Variants in DYTN observed in about 807,000 individuals in gnomAD.
DYTN encodes dystrotelin.
A neutral mutation model predicts 69.6 loss-of-function variants in DYTN; 75 were observed. The ratio of observed to expected loss-of-function variants is 1.08; its 90% CI spans 0.89 to 1.31. The LOEUF is 1.31. DYTN is among the 50% of genes most tolerant of loss of function. The pLI is 0.00. For synonymous variants in DYTN, 252 were observed against 249.1 expected, an observed-to-expected ratio of 1.01 and a Z score of -0.11; for missense variants, 726 against 688.4, an observed-to-expected ratio of 1.05 and a Z score of -0.61.
chr2:206,663,206 T>A lies in DYTN; in HGVS notation c.1330A>T (p.Thr444Ser), dbSNP rs774680110. The change falls in exon 11 of 12, where the codon ACA (threonine) becomes TCA (serine). Residue 444 changes from threonine (T) to serine (S), a missense_variant. Coordinates refer to ENST00000452335, the MANE Select transcript of DYTN (RefSeq NM_001093730.1). ...DEVDRSHRSH[T>S]NAEHALRNPE... ...TTTCGCAGAGCATGCTCTGCATTTG[T>A]GTGACTTCTGTGACTTCTGTCAACC... 1.9e-6 allele frequency: 3 copies of A among 1,613,968 alleles called. No homozygotes were observed. Among genetic ancestry groups the A allele is most frequent in the Non-Finnish European group, 2.5e-6 (3 of 1,179,892 alleles).
rs746737207 is a variant in DYTN at position 206,699,763 on chromosome 2, C to T, written c.683G>A (p.Cys228Tyr). The change falls in exon 7 of 12, where the codon TGC (cysteine) becomes TAC (tyrosine). Residue 228 changes from cysteine to tyrosine, a missense_variant. Transcript: ENST00000452335. Reference protein sequence around the residue: ...AAERVTHPARCTLCRTFPITG... With the variant: ...AAERVTHPARYTLCRTFPITG... The stretch of plus-strand genomic sequence containing the variant: ...GATTGGGAAAGTCCTGCAGAGAGTG[C>T]ACCGAGCAGGGTGAGTGACCCTTTC... 1 of 1,613,712 alleles carries T rather than the reference C, an allele frequency of 6.2e-7. No individual in the cohort carries two copies. The highest frequency in any genetic ancestry group is 8.5e-7 in the Non-Finnish European group (1 of 1,179,772).
At chr2:206,685,986 GAAA>G (rs34711985) in intron 9 of DYTN, among the ~76,000 whole-genome samples, 1 of 137,938 alleles carries the variant, frequency 7.2e-6, no homozygotes, top group Non-Finnish European at 1.6e-5. Flanking sequence ...ATAGAGTGCG[GAAA>G]AAAAAAAAAA....
chr2:206,667,697 CGTGTGTGTGTGTGT>C (rs71410894), intron 9 of DYTN, among the ~76,000 whole-genome samples: 3 of 144,038 alleles, frequency 2.1e-5, no homozygotes, highest in African/African-American at 7.6e-5. Context: ...TTTGCGTGTG[CGTGTGTGTGTGTGT>C]GTGTGTGTGT....
intron 9 of DYTN, among the ~76,000 whole-genome samples, chr2:206,681,523 C>G (rs561810895): frequency 6.6e-6 from 1 of 152,216 alleles, no homozygotes; most frequent in South Asian, 2.1e-4. Flanking sequence ...TCATAAATAG[C>G]TCTTATTATT....
At chr2:206,652,572 C>T (rs1420489063) in intron 11 of DYTN, among the ~76,000 whole-genome samples, 1 of 152,102 alleles carries the variant, frequency 6.6e-6, no homozygotes. Context: ...TATAAGGATA[C>T]ACACCAAAGT....
At chr2:206,705,703 G>T in intron 4 of DYTN, 85 bp downstream of exon 4, 1 of 1,167,632 alleles carries the variant, frequency 8.6e-7, no homozygotes, top group South Asian at 1.3e-5. Flanking sequence ...ATGCTGAAGA[G>T]GCCTTGTGGC....
At position 206,700,724 on chromosome 2, in the gene DYTN, C is replaced by T. The variant is rs538548420; in HGVS notation, c.484-508G>A. On this transcript the variant is annotated intron_variant, in intron 5 of 11. Coordinates refer to ENST00000452335, the MANE Select transcript of DYTN (RefSeq NM_001093730.1). ...CCTCTCATCTAGGTTTTAAGCCCTG[C>T]GTGCATTAGGTATTTGTCCTAATGC... is the stretch of plus-strand genomic sequence containing the variant. 1.4e-4 allele frequency among the ~76,000 whole-genome samples: 21 copies of T among 152,178 alleles called. No individual in the cohort carries two copies. In the South Asian group the frequency reaches 4.4e-3, roughly 32 times the overall value.
intron 9 of DYTN, among the ~76,000 whole-genome samples, chr2:206,685,251 T>C (rs535951461): frequency 9.2e-5 from 14 of 152,174 alleles, no homozygotes; most frequent in Admixed American, 2.0e-4. Context: ...AGCCTCGACC[T>C]ACCAGGCTCA....
intron 9 of DYTN, among the ~76,000 whole-genome samples, chr2:206,666,503 C>T (rs1699573618): frequency 6.6e-6 from 1 of 152,168 alleles, no homozygotes; most frequent in African/African-American, 2.4e-5. Context: ...CTTCCCTCTA[C>T]TGGCTACTTA....
chr2:206,659,871 T>C (rs1699493816), intron 11 of DYTN, among the ~76,000 whole-genome samples: 1 of 152,186 alleles, frequency 6.6e-6, no homozygotes, highest in Non-Finnish European at 1.5e-5. Flanking sequence ...GTTTCTCATG[T>C]TTAAATGCCT....
rs1306496651 is a variant in DYTN, at chr2:206,663,114, C to A, written c.1422G>T (p.Gln474His). The A allele has an allele frequency of 6.2e-7, 1 of 1,613,842 alleles. No individual in the cohort carries two copies. Among genetic ancestry groups the A allele is most frequent in the Non-Finnish European group, 8.5e-7 (1 of 1,179,874 alleles). Residue 474 changes from glutamine (Q) to histidine (H), a missense_variant, in exon 11 of 12, where the codon CAG (glutamine) becomes CAT (histidine). Physicochemically the swap from Gln to His is conservative, Grantham distance 24. Coordinates refer to ENST00000452335, the MANE Select transcript of DYTN (RefSeq NM_001093730.1). Reference protein sequence around the residue: ...RAQSQTQKMPQKVISALPSYQ... With the variant: ...RAQSQTQKMPHKVISALPSYQ... Reference sequence around the variant, plus strand: ...AACTGGGTAGGGCACTAATGACTTTCTGTGGCATCTTTTGTGTTTGGCTTT... The same window carrying A: ...AACTGGGTAGGGCACTAATGACTTTATGTGGCATCTTTTGTGTTTGGCTTT...
chr2:206,653,790 C>T (rs1036389555), intron 11 of DYTN, among the ~76,000 whole-genome samples: 3 of 152,198 alleles, frequency 2.0e-5, no homozygotes, highest in Non-Finnish European at 2.9e-5. Context: ...ATTCACAATA[C>T]ATTCAAAACA....
intron 9 of DYTN, among the ~76,000 whole-genome samples, chr2:206,674,233 C>A (rs1385876374): frequency 6.6e-6 from 1 of 151,924 alleles, no homozygotes; most frequent in African/African-American, 2.4e-5. Context: ...GACTTGATTT[C>A]TGGGAGTAAA....
chr2:206,677,457 A>G (rs553407633), intron 9 of DYTN, among the ~76,000 whole-genome samples: 1 of 152,270 alleles, frequency 6.6e-6, no homozygotes, highest in East Asian at 1.9e-4. Context: ...GGTATATACT[A>G]CAGGAACCAT....
At position 206,663,035 on chromosome 2, in the gene DYTN, T is replaced by A; in HGVS notation, c.1501A>T (p.Ser501Cys). 6.2e-7 allele frequency: 1 copy of A among 1,613,934 alleles called. No individual in the cohort carries two copies. The highest frequency in any genetic ancestry group is 8.5e-7 in the Non-Finnish European group (1 of 1,179,880). ...TTTTCCACGGCTGCCAGAGCAGGAC[T>A]GCTCATTTCAGCAGGAACCATTTTG... ...IPKMVPAEMSSPALAAVEKKE... is the reference protein window; with the variant it reads ...IPKMVPAEMSCPALAAVEKKE... Residue 501 changes from serine (S) to cysteine (C), a missense_variant, in exon 11 of 12, where the codon AGT becomes TGT. Coordinates refer to ENST00000452335, the MANE Select transcript of DYTN (RefSeq NM_001093730.1).
chr2:206,660,338 A>G (rs972364724), intron 11 of DYTN, among the ~76,000 whole-genome samples: 46 of 152,282 alleles, frequency 3.0e-4, no homozygotes, highest in African/African-American at 1.1e-3. Flanking sequence ...TTAAGTATTA[A>G]ACTGCACAAG....
chr2:206,717,661 G>A (rs922814659), intron 1 of DYTN, among the ~76,000 whole-genome samples: 1 of 152,150 alleles, frequency 6.6e-6, no homozygotes, highest in Admixed American at 6.6e-5. Context: ...AAACAACTAG[G>A]GATCATACAG....
At chr2:206,680,769 CT>C (rs774178527) in intron 9 of DYTN, among the ~76,000 whole-genome samples, 3 of 152,294 alleles carry the variant, frequency 2.0e-5, no homozygotes, top group Admixed American at 6.5e-5. Flanking sequence ...ATCCCACCCC[CT>C]CTTTGCTGAA....
intron 9 of DYTN, among the ~76,000 whole-genome samples, chr2:206,669,043 C>T (rs367893189): frequency 1.3e-5 from 2 of 152,180 alleles, no homozygotes; most frequent in Admixed American, 6.5e-5. Context: ...CAGTCTCAGG[C>T]GTTTCTTCAC....
Sources: allele counts gnomAD v4.1 joint callset (sites outside exome capture counted in the v4.1 genomes callset), GRCh38; gene constraint gnomAD v4.1.1; transcripts MANE v1.5; gene names NCBI Gene and HGNC (gene_info 2026-07-23, HGNC 2026-07-21).